The following FARP2 variants were observed in gnomAD, a reference collection of about 807,000 sequenced individuals.
FARP2 encodes the protein FERM, ARHGEF and pleckstrin domain-containing protein 2.
Under a neutral mutation model 130.5 loss-of-function variants are expected in FARP2, and 111 were observed. That is an observed-to-expected ratio of 0.85 (90% CI 0.73 to 1.00). The LOEUF is 1.00. Among genes scored for constraint, FARP2 ranks in the 50% least tolerant of loss-of-function variants. FARP2 has a pLI of 0.00. For missense variants in FARP2, 1,385 were observed against 1,346.3 expected, an observed-to-expected ratio of 1.03 and a Z score of -0.45; for synonymous variants, 504 against 516.9, an observed-to-expected ratio of 0.98 and a Z score of 0.34.
intron 14 of FARP2, among the ~76,000 whole-genome samples, chr2:241,461,516 G>A (rs1009497935): frequency 3.9e-5 from 6 of 152,148 alleles, no homozygotes; most frequent in African/African-American, 1.4e-4. Context: ...CAGGCTGCCC[G>A]GTCTGCTCTG....
rs2062443529 is a variant in FARP2, at chr2:241,409,045, TA to T, written c.410+1431del. ...GATAGATAGATAGATAGATGATAGA[TA>T]GATAGATAGATAGATAGATAGATAG... On this transcript the variant is annotated intron_variant, in intron 5 of 26. Transcript: ENST00000264042. 3.3e-5 allele frequency among the ~76,000 whole-genome samples: 5 copies of T among 150,548 alleles called. No homozygotes were observed. The South Asian group carries it at 1.1e-3, about 32-fold the overall frequency.
intron 13 of FARP2, among the ~76,000 whole-genome samples, chr2:241,453,350 C>T (rs576856385): frequency 8.1e-4 from 123 of 151,000 alleles, no homozygotes; most frequent in African/African-American, 1.5e-3. Flanking sequence ...TGGCTGGGCG[C>T]GGTGGCTCAT....
intron 2 of FARP2, among the ~76,000 whole-genome samples, chr2:241,396,396 C>T (rs1410117673): frequency 6.6e-6 from 1 of 151,856 alleles, no homozygotes; most frequent in Non-Finnish European, 1.5e-5. Context: ...AGTGAACAGG[C>T]AACCTACAAA....
Position 241,459,885 on chromosome 2 carries a change from C to A in FARP2, c.1588-2638C>A, listed in dbSNP as rs993503289. ...CTTGGCCAGTCTGCTCCCCTGACTCCCCTGTGACCCACTGGTGGCACCTGT... is the reference window on the plus strand; with the variant it reads ...CTTGGCCAGTCTGCTCCCCTGACTCACCTGTGACCCACTGGTGGCACCTGT... On this transcript the variant is annotated intron_variant, in intron 14 of 26. Transcript: ENST00000264042. This position sits in a 1 kb window ranked among gnomAD's most constrained non-coding sequence, Gnocchi z 5.3. 1.3e-5 allele frequency among the ~76,000 whole-genome samples: 2 copies of A among 152,130 alleles called. No individual in the cohort carries two copies. The highest frequency in any genetic ancestry group is 2.9e-5 in the Non-Finnish European group (2 of 68,008).
intron 19 of FARP2, chr2:241,477,854 CT>C (rs35978925): frequency 6.5e-6 from 1 of 152,746 alleles, no homozygotes. Context: ...ATTTGTAGGC[CT>C]TTTTTGGAGA....
At chr2:241,356,882 C>T (rs1313157101) in intron 1 of FARP2, among the ~76,000 whole-genome samples, 5 of 152,248 alleles carry the variant, frequency 3.3e-5, no homozygotes, top group South Asian at 2.1e-4. Context: ...TTTAGCATTT[C>T]TTTAAATTGT....
At chr2:241,362,986 T>G (rs1317171365) in intron 1 of FARP2, among the ~76,000 whole-genome samples, 1 of 152,258 alleles carries the variant, frequency 6.6e-6, no homozygotes, top group African/African-American at 2.4e-5. Flanking sequence ...TCCCACTGTC[T>G]GTGGCTGTAA....
intron 13 of FARP2, among the ~76,000 whole-genome samples, chr2:241,450,819 G>A (rs1218081655): frequency 6.6e-6 from 1 of 152,146 alleles, no homozygotes; most frequent in Non-Finnish European, 1.5e-5. Context: ...AGGCACAGTG[G>A]CACATGCCTG....
rs910919829 is a variant in FARP2 at position 241,482,967 on chromosome 2, T to C, written c.2263-498T>C. On this transcript the variant is annotated intron_variant, in intron 19 of 26. Transcript: ENST00000264042. The surrounding 1 kb of genome is among the most constrained non-coding windows in gnomAD (Gnocchi z 4.6). Reference sequence around the variant, plus strand: ...TTCCTCCTCCCATTCTCGAACCTGCTCTTGGTGCTAATTTGAATACTCGGG... The same window carrying C: ...TTCCTCCTCCCATTCTCGAACCTGCCCTTGGTGCTAATTTGAATACTCGGG... Among the ~76,000 whole-genome samples, 1 of 148,280 alleles carries C rather than the reference T, an allele frequency of 6.7e-6. No individual in the cohort carries two copies. The highest frequency in any genetic ancestry group is 2.4e-5 in the African/African-American group (1 of 40,894).
chr2:241,462,699 T>A, intron 15 of FARP2, 87 bp downstream of exon 15: 1 of 978,980 alleles, frequency 1.0e-6, no homozygotes, highest in South Asian at 1.4e-5. Flanking sequence ...TTTCTTTTTT[T>A]CTTTTTTTGA....
intron 4 of FARP2, among the ~76,000 whole-genome samples, chr2:241,407,192 G>C (rs1008598946): frequency 6.6e-6 from 1 of 152,066 alleles, no homozygotes; most frequent in African/African-American, 2.4e-5. Context: ...ATTGGTACTT[G>C]GGACTCATAA....
chr2:241,378,443 A>C (rs2061590784), intron 2 of FARP2, among the ~76,000 whole-genome samples: 3 of 67,406 alleles, frequency 4.5e-5, no homozygotes, highest in African/African-American at 1.1e-4. Flanking sequence ...TCAGGATCTC[A>C]CTCTGTCACC....
intron 8 of FARP2, among the ~76,000 whole-genome samples, chr2:241,425,951 G>GT (rs1221450856): frequency 6.6e-6 from 1 of 150,538 alleles, no homozygotes; most frequent in African/African-American, 2.4e-5. Flanking sequence ...TTTGGTGTGT[G>GT]TGGGGCTCTA....
intron 8 of FARP2, among the ~76,000 whole-genome samples, chr2:241,428,857 C>T (rs1055878405): frequency 6.6e-6 from 1 of 152,164 alleles, no homozygotes; most frequent in Non-Finnish European, 1.5e-5. Context: ...TATTCCCTCT[C>T]TATGGATTTC....
chr2:241,386,525 G>A (rs765316446), intron 2 of FARP2, among the ~76,000 whole-genome samples: 26 of 152,370 alleles, frequency 1.7e-4, no homozygotes, highest in Admixed American at 5.2e-4. Context: ...GATTTTGGGG[G>A]AAGCGTTTAA....
At chr2:241,441,997 A>G in intron 13 of FARP2, 1 of 360,434 alleles carries the variant, frequency 2.8e-6, no homozygotes, top group Non-Finnish European at 5.4e-6. Flanking sequence ...GGCAGTAGAT[A>G]TGAACACAGA....
intron 1 of FARP2, among the ~76,000 whole-genome samples, chr2:241,363,579 T>C (rs2061238963): frequency 1.3e-5 from 2 of 152,244 alleles, no homozygotes; most frequent in African/African-American, 4.8e-5. Flanking sequence ...ACGCGTGATG[T>C]GAGCCAGAAC....
chr2:241,492,124 C>T (rs1038479448), intron 24 of FARP2, among the ~76,000 whole-genome samples: 1 of 152,202 alleles, frequency 6.6e-6, no homozygotes, highest in Non-Finnish European at 1.5e-5. Context: ...GGTTCCTCAG[C>T]CTGGTGCCCC....
chr2:241,458,924 C>T (rs1447689706), intron 14 of FARP2, among the ~76,000 whole-genome samples: 2 of 152,232 alleles, frequency 1.3e-5, no homozygotes, highest in African/African-American at 4.8e-5. Flanking sequence ...CTCACCGAGC[C>T]ATGCCCTTGA....
Sources: allele counts gnomAD v4.1 joint callset (sites outside exome capture counted in the v4.1 genomes callset), GRCh38; gene constraint gnomAD v4.1.1; non-coding constraint Gnocchi (gnomAD v3.1); transcripts MANE v1.5; gene names NCBI Gene and HGNC (gene_info 2026-07-23, HGNC 2026-07-21).